TFIP11: variants seen among roughly 807,000 people sequenced by gnomAD.
TFIP11 encodes the protein tuftelin-interacting protein 11.
A neutral mutation model predicts 96.8 loss-of-function variants in TFIP11; 86 were observed. The ratio of observed to expected loss-of-function variants is 0.89; its 90% confidence interval spans 0.75 to 1.06. The LOEUF is 1.06. Among genes scored for constraint, TFIP11 ranks in the 50% least tolerant of loss-of-function variants. The pLI, the probability that TFIP11 is intolerant of heterozygous loss-of-function variation, is 0.00. For synonymous variants in TFIP11, 405 were observed against 395.2 expected (o/e 1.02, Z -0.29); for missense variants, 881 against 1,076.7 (o/e 0.82, Z 2.54).
rs367623576 is a variant in TFIP11 at position 26,498,900 on chromosome 22, C to T, written c.1405G>A (p.Gly469Arg). ...LENDQLLSHG[G>R]QDLSADAFHR... is the part of the protein sequence containing the mutation. ...AAGGCATCTGCTGAGAGGTCCTGTCCGCCATGGGACAAGAGCTGGTCATTC... is the reference window on the plus strand; with the variant it reads ...AAGGCATCTGCTGAGAGGTCCTGTCTGCCATGGGACAAGAGCTGGTCATTC... Residue 469 changes from glycine (G) to arginine (R), a missense_variant, in exon 10 of 15, where the codon GGA (glycine) becomes AGA (arginine). Coordinates refer to ENST00000407690, the MANE Select transcript of TFIP11 (RefSeq NM_012143.4). 3.2e-5 allele frequency: 52 copies of T among 1,613,700 alleles called. No individual in the cohort carries two copies. Among genetic ancestry groups the T allele is most frequent in the Middle Eastern group, 3.3e-4 (2 of 6,078 alleles).
At chr22:26,494,760 T>G (rs372704593) in intron 13 of TFIP11, 37 bp downstream of exon 13, 61 of 1,613,510 alleles carry the variant, frequency 3.8e-5, no homozygotes, top group Non-Finnish European at 4.6e-5. Context: ...CCCCACCCAG[T>G]TCCCTCCCCC....
chr22:26,494,704 A>G, intron 13 of TFIP11, 93 bp downstream of exon 13: 1 of 1,524,672 alleles, frequency 6.6e-7, no homozygotes, highest in Non-Finnish European at 8.9e-7. Flanking sequence ...TATTTTCATT[A>G]TGGAATTGTA....
In TFIP11 at chr22:26,495,271, T is replaced by TGC; in HGVS notation, c.1850-333_1850-332insGC. Among the ~76,000 whole-genome samples, 3 of 117,856 alleles carry TGC rather than the reference T, an allele frequency of 2.5e-5. No homozygotes were observed. In the South Asian group the frequency reaches 9.3e-4, roughly 36 times the overall value. 77.3% of individuals were successfully genotyped at this position (117,856 alleles called of 152,430 possible). ...GTCACAACTCCTGGCTTTTTTTTTT[T>TGC]TTTTTTTTTTTTTTTTTTTTTTTTG... On this transcript the variant is annotated intron_variant, in intron 12 of 14. Coordinates refer to ENST00000407690, the MANE Select transcript of TFIP11 (RefSeq NM_012143.4).
chr22:26,499,083 T>C lies in TFIP11; in HGVS notation c.1329+21A>G, dbSNP rs200189479. ...AGCCCAACCGAGAGGCAGGGATAGGTTGATTTTCCCAGCAACTCACTTTGA... is the reference window on the plus strand; with the variant it reads ...AGCCCAACCGAGAGGCAGGGATAGGCTGATTTTCCCAGCAACTCACTTTGA... On this transcript the variant is annotated intron_variant, in intron 9 of 14. Transcript: ENST00000407690. The C allele has an allele frequency of 6.0e-5, 95 of 1,593,190 alleles. No homozygotes were observed. In the East Asian group the frequency reaches 1.6e-3, roughly 28 times the overall value.
At chr22:26,506,668 A>T in intron 5 of TFIP11, 107 bp downstream of exon 5, 1 of 1,456,782 alleles carries the variant, frequency 6.9e-7, no homozygotes, top group Admixed American at 1.9e-5. Context: ...AAAAGGAGAC[A>T]CTCACGAAAT....
intron 10 of TFIP11, among the ~76,000 whole-genome samples, chr22:26,497,874 CAAAAA>C (rs35461044): frequency 1.1e-5 from 1 of 89,154 alleles, no homozygotes; most frequent in African/African-American, 4.5e-5. Context: ...GACTTCATCT[CAAAAA>C]AAAAAAAAAA....
chr22:26,503,573 A>G, intron 7 of TFIP11, 93 bp downstream of exon 7: 1 of 1,511,732 alleles, frequency 6.6e-7, no homozygotes, highest in South Asian at 1.2e-5. Flanking sequence ...ATGTACAATA[A>G]ACATCTGAGG....
In TFIP11 at chr22:26,491,581, T is replaced by C; in HGVS notation, c.*432A>G. The stretch of plus-strand genomic sequence containing the variant: ...AAGCTAGAACAGCTCTCCATAGATA[T>C]TTGGGAGTTTCGGGAAGAACCAGAT... On this transcript the variant is annotated 3_prime_UTR_variant, in exon 15 of 15. Transcript: ENST00000407690. 2 of 1,614,172 alleles carry C rather than the reference T, an allele frequency of 1.2e-6. No individual in the cohort carries two copies. Among genetic ancestry groups the C allele is most frequent in the East Asian group, 2.2e-5 (1 of 44,884 alleles).
intron 13 of TFIP11, 65 bp from the exon 14 acceptor site, chr22:26,494,369 G>T: frequency 6.3e-7 from 1 of 1,595,842 alleles, no homozygotes; most frequent in Non-Finnish European, 8.6e-7. Flanking sequence ...TTCTGAAGTG[G>T]CCATTTGTTT....
chr22:26,500,256 G>A (rs1386610364), intron 8 of TFIP11, among the ~76,000 whole-genome samples: 2 of 152,088 alleles, frequency 1.3e-5, no homozygotes, highest in South Asian at 2.1e-4. Context: ...TGCAAGCTCC[G>A]CCTCCTGGGT....
rs1923408101 is a variant in TFIP11 at position 26,506,358 on chromosome 22, C to T, written c.465G>A (p.Lys155=). 1 of 1,613,958 alleles carries T rather than the reference C, an allele frequency of 6.2e-7. No homozygotes were observed. Residue 155 remains lysine, a synonymous_variant, in exon 6 of 15, where the codon AAG becomes AAA. Coordinates refer to ENST00000407690, the MANE Select transcript of TFIP11 (RefSeq NM_012143.4). ...GGACGTAGCCCATCTTCTGAAGAAG[C>T]TTCTGTCCAATTCCTTTTGTGTGTC... ...WERHTKGIGQ[K]LLQKMGYVPG...
intron 10 of TFIP11, 73 bp downstream of exon 10, chr22:26,498,793 TCCC>T: frequency 2.6e-6 from 3 of 1,172,766 alleles, no homozygotes; most frequent in Non-Finnish European, 3.8e-6. Context: ...ACTGCTGCCT[TCCC>T]CCACCTTCAG....
At chr22:26,498,018 T>C in intron 10 of TFIP11, among the ~76,000 whole-genome samples, 1 of 151,812 alleles carries the variant, frequency 6.6e-6, no homozygotes, top group East Asian at 1.9e-4. Context: ...GTGGTATAAA[T>C]ATAATGGAAT....
rs1305389732 is a variant in TFIP11 at position 26,496,178 on chromosome 22, G to A, written c.1744C>T (p.His582Tyr). 1.2e-6 allele frequency: 2 copies of A among 1,613,786 alleles called. No individual in the cohort carries two copies. The highest frequency in any genetic ancestry group is 1.3e-5 in the African/African-American group (1 of 74,904). The change falls in exon 12 of 15, where the codon CAC (histidine) becomes TAC (tyrosine). Residue 582 changes from histidine (H) to tyrosine (Y), a missense_variant. Coordinates refer to ENST00000407690, the MANE Select transcript of TFIP11 (RefSeq NM_012143.4). ...AGCTTGGCAGAGGAGTCGCTGGGGT[G>A]CCACTTCTGCAGGGCGCTGGACAGC... ...SKLSSALQKW[H>Y]PSDSSAKLIL...
At chr22:26,500,801 C>T (rs1390506590) in intron 8 of TFIP11, among the ~76,000 whole-genome samples, 2 of 151,684 alleles carry the variant, frequency 1.3e-5, no homozygotes, top group African/African-American at 4.8e-5. Context: ...GTCTATGACA[C>T]ACTACATATC....
chr22:26,506,183 C>T (rs970714505), intron 6 of TFIP11, 120 bp downstream of exon 6: 33 of 1,134,382 alleles, frequency 2.9e-5, no homozygotes, highest in Non-Finnish European at 4.0e-5. Flanking sequence ...CTTGTGCTGG[C>T]AAACCAGGCT....
Position 26,498,843 on chromosome 22 carries a change from G to A in TFIP11, c.1436+26C>T, listed in dbSNP as rs769425088. The stretch of plus-strand genomic sequence containing the variant: ...AACCCCCCAGGAGAAAGGAGCTGGG[G>A]TACAGAGCCCTGCTCTGTGGTGTAC... On this transcript the variant is annotated intron_variant, in intron 10 of 14. Coordinates refer to ENST00000407690, the MANE Select transcript of TFIP11 (RefSeq NM_012143.4). 3 of 1,567,424 alleles carry A rather than the reference G, an allele frequency of 1.9e-6. No individual in the cohort carries two copies. In the Admixed American group the frequency reaches 5.0e-5, roughly 26 times the overall value.
chr22:26,501,785 C>CAAAA (rs371327421), intron 8 of TFIP11, 115 bp downstream of exon 8: 3 of 261,578 alleles, frequency 1.1e-5, no homozygotes, highest in Non-Finnish European at 1.8e-5. Context: ...AGCAAGGTAC[C>CAAAA]AAAAAAAAAA....
chr22:26,505,397 T>G (rs1286523011), intron 6 of TFIP11, among the ~76,000 whole-genome samples: 1 of 152,192 alleles, frequency 6.6e-6, no homozygotes, highest in Non-Finnish European at 1.5e-5. Flanking sequence ...ACAAAAACTA[T>G]GCACGATGTT....
Sources: allele counts gnomAD v4.1 joint callset (sites outside exome capture counted in the v4.1 genomes callset), GRCh38; gene constraint gnomAD v4.1.1; transcripts MANE v1.5; gene names NCBI Gene and HGNC (gene_info 2026-07-23, HGNC 2026-07-21).